MMP28: variants seen among roughly 807,000 people sequenced by gnomAD.
MMP28 encodes the protein matrix metallopeptidase 28, also known as matrix metalloproteinase-28.
Under a neutral mutation model 60.5 loss-of-function variants are expected in MMP28, and 55 were observed. The ratio of observed to expected loss-of-function variants is 0.91; its 90% CI spans 0.73 to 1.14. MMP28 has a LOEUF of 1.14. Ranked by LOEUF, MMP28 falls within the 50% of genes most tolerant of loss-of-function variation. The probability of loss-of-function intolerance (pLI) is 0.00; values close to 1 mark genes in which losing one functional copy is unlikely to be tolerated. For missense variants in MMP28, 686 were observed against 738.3 expected, an observed-to-expected ratio of 0.93 and a Z score of 0.82; for synonymous variants, 318 against 312.5, an observed-to-expected ratio of 1.02 and a Z score of -0.18.
intron 1 of MMP28, among the ~76,000 whole-genome samples, chr17:35,787,221 G>C (rs1555610694): frequency 6.6e-6 from 1 of 152,146 alleles, no homozygotes; most frequent in African/African-American, 2.4e-5. Context: ...AATAGGGGCT[G>C]GGATCCTGTT....
At chr17:35,764,489 G>A, downstream of MMP28, 1 of 1,577,846 alleles carries the variant, frequency 6.3e-7, no homozygotes, top group Non-Finnish European at 8.6e-7. Context: ...CGCGCCGCGG[G>A]GGCTGTGCTT....
chr17:35,768,459 G>T, intron 5 of MMP28, 80 bp from the exon 6 acceptor site: 2 of 1,190,652 alleles, frequency 1.7e-6, no homozygotes, highest in Non-Finnish European at 2.3e-6. Flanking sequence ...CCTTCCCTTG[G>T]TTACTTTCAT....
chr17:35,759,127 C>G (rs149702667), intron 2 of MMP28, among the ~76,000 whole-genome samples: 1 of 152,224 alleles, frequency 6.6e-6, no homozygotes, highest in African/African-American at 2.4e-5. Flanking sequence ...TGATTCCTAT[C>G]CAGTTCTCAA....
downstream of MMP28, chr17:35,764,893 C>T (rs907595281): frequency 3.6e-6 from 1 of 275,984 alleles, no homozygotes; most frequent in Admixed American, 5.7e-5. Flanking sequence ...GCAGCACCAG[C>T]GCCACCGCAC....
At chr17:35,764,086 G>T (rs782414267), downstream of MMP28, 1 of 1,550,326 alleles carries the variant, frequency 6.5e-7, no homozygotes. Flanking sequence ...GGAAGGAGGG[G>T]TCGGAGGACG....
At chr17:35,769,541 C>A (rs769545879) in intron 5 of MMP28, among the ~76,000 whole-genome samples, 14 of 152,192 alleles carry the variant, frequency 9.2e-5, no homozygotes, top group Non-Finnish European at 1.6e-4. Context: ...GGCAGTAGCA[C>A]TGGCCCACCC....
downstream of MMP28, chr17:35,764,477 G>T: frequency 6.4e-7 from 1 of 1,567,346 alleles, no homozygotes; most frequent in Non-Finnish European, 8.6e-7. Flanking sequence ...GGCGACGACC[G>T]CCGCGCCGCG....
At position 35,773,371 on chromosome 17, in the gene MMP28, C is replaced by A. The variant is rs1013683814; in HGVS notation, c.413G>T (p.Arg138Leu). 2.5e-6 allele frequency: 4 copies of A among 1,609,006 alleles called. No individual in the cohort carries two copies. The highest frequency in any genetic ancestry group is 1.7e-4 in the Middle Eastern group (1 of 6,056). The change falls in exon 4 of 8, where the codon CGC (arginine) becomes CTC (leucine). Residue 138 changes from arginine to leucine, a missense_variant. By Grantham distance (102) the Arg-to-Leu change is moderately radical. Coordinates refer to ENST00000605424, the MANE Select transcript of MMP28 (RefSeq NM_024302.5). ...CAGATGCTCAGGCCAGTTCACCAGGCGGTAGGAGAGGTGCTGCTTGTACCA... is the reference window on the plus strand; with the variant it reads ...CAGATGCTCAGGCCAGTTCACCAGGAGGTAGGAGAGGTGCTGCTTGTACCA... ...NKWYKQHLSYRLVNWPEHLPE... is the reference protein window; with the variant it reads ...NKWYKQHLSYLLVNWPEHLPE...
At chr17:35,775,672 T>C (rs1189799038) in intron 3 of MMP28, among the ~76,000 whole-genome samples, 1 of 152,206 alleles carries the variant, frequency 6.6e-6, no homozygotes, top group African/African-American at 2.4e-5. Flanking sequence ...TTTCCCATGG[T>C]AAGATGTGAG....
Position 35,766,466 on chromosome 17 carries a change from G to A in MMP28, c.*34C>T. On this transcript the variant is annotated 3_prime_UTR_variant, in exon 8 of 8. Coordinates refer to ENST00000605424, the MANE Select transcript of MMP28 (RefSeq NM_024302.5). The surrounding 1 kb of genome is among the most constrained non-coding windows in gnomAD (Gnocchi z 4.3). ...GGTGGGGAACATGATTTTGCCCTGA[G>A]AGCACCACCAGTTTCTGAGGTGAGG... The A allele has an allele frequency of 1.3e-6, 2 of 1,539,002 alleles. No individual in the cohort carries two copies. The highest frequency in any genetic ancestry group is 1.8e-6 in the Non-Finnish European group (2 of 1,142,548).
At position 35,766,186 on chromosome 17, in the gene MMP28, A is replaced by G; in HGVS notation, c.*314T>C. The G allele has an allele frequency of 8.8e-7, 1 of 1,133,550 alleles. No individual in the cohort carries two copies. Among genetic ancestry groups the G allele is most frequent in the Non-Finnish European group, 1.1e-6 (1 of 923,896 alleles). The allele number at this position is 1,133,550 out of a possible 1,614,324, so 70.2% of individuals were successfully genotyped here. On this transcript the variant is annotated 3_prime_UTR_variant, in exon 8 of 8. Transcript: ENST00000605424. This position sits in a 1 kb window ranked among gnomAD's most constrained non-coding sequence, Gnocchi z 4.3. ...GATCCCAGTGCTGTTACCTCTTGAA[A>G]GGAACTGTACCTTTAGCCGAAGAAA...
In MMP28 at chr17:35,770,315, G is replaced by A; in HGVS notation, c.605-3C>T. The A allele has an allele frequency of 6.7e-7, 1 of 1,500,676 alleles. No individual in the cohort carries two copies. The highest frequency in any genetic ancestry group is 8.8e-7 in the Non-Finnish European group (1 of 1,133,530). The allele number at this position is 1,500,676 out of a possible 1,614,324, so 93.0% of individuals were successfully genotyped here. On this transcript the variant is annotated splice_polypyrimidine_tract_variant and splice_region_variant and intron_variant, in intron 4 of 7. Transcript: ENST00000605424. ...GAAGGCGTGCGCCAGGGCGCCCCCT[G>A]CAGGTGGGGCAGAAGGTCAGGGGGT...
At chr17:35,795,008 C>T (rs1489016104) in intron 1 of MMP28, among the ~76,000 whole-genome samples, 2 of 152,218 alleles carry the variant, frequency 1.3e-5, no homozygotes, top group Admixed American at 1.3e-4. Context: ...GATGTCCCCT[C>T]TGGGCTCTTG....
chr17:35,764,599 G>A (rs782765582), downstream of MMP28: 3 of 1,586,558 alleles, frequency 1.9e-6, no homozygotes, highest in African/African-American at 2.8e-5. Context: ...GGTAAGGCGG[G>A]GGCCGCTGGG....
intron 3 of MMP28, 30 bp from the exon 4 acceptor site, chr17:35,773,434 A>T (rs1331495846): frequency 8.4e-6 from 13 of 1,546,320 alleles, no homozygotes; most frequent in Non-Finnish European, 1.1e-5. Context: ...CGTCAGTCAC[A>T]CCTGCTGCAG....
rs546091160 is a variant in MMP28, at chr17:35,767,110, C to T, written c.1169-216G>A. 9.9e-5 allele frequency: 70 copies of T among 706,722 alleles called. No homozygotes were observed. The South Asian group carries it at 1.0e-3, about 10-fold the overall frequency. The allele number at this position is 706,722 out of a possible 1,614,324, so 43.8% of individuals were successfully genotyped here. On this transcript the variant is annotated intron_variant, in intron 7 of 7. Coordinates refer to ENST00000605424, the MANE Select transcript of MMP28 (RefSeq NM_024302.5). ...TATTGTCTAGACTCCCAGCAGGTGTCAGCAGAGGGCAGATAGCCCCGAAAG... is the reference window on the plus strand; with the variant it reads ...TATTGTCTAGACTCCCAGCAGGTGTTAGCAGAGGGCAGATAGCCCCGAAAG...
chr17:35,766,037 G>T lies in MMP28; in HGVS notation c.*463C>A. ...TCATCCCCATCCATGCTTCCTGGGG[G>T]TGGGGCCTCTGACTAAATATGACAC... On this transcript the variant is annotated 3_prime_UTR_variant, in exon 8 of 8. Coordinates refer to ENST00000605424, the MANE Select transcript of MMP28 (RefSeq NM_024302.5). This position sits in a 1 kb window ranked among gnomAD's most constrained non-coding sequence, Gnocchi z 4.3. The T allele has an allele frequency of 1.0e-6, 1 of 985,436 alleles. No individual in the cohort carries two copies. The highest frequency in any genetic ancestry group is 1.2e-6 in the Non-Finnish European group (1 of 829,940). The allele number at this position is 985,436 out of a possible 1,614,324, so 61.0% of individuals were successfully genotyped here.
At chr17:35,789,719 TAA>T (rs1439148936) in intron 1 of MMP28, among the ~76,000 whole-genome samples, 1 of 152,130 alleles carries the variant, frequency 6.6e-6, no homozygotes, top group Non-Finnish European at 1.5e-5. Context: ...TTACTGATTT[TAA>T]AATTAGTTCT....
At chr17:35,759,552 T>A (rs1485309936) in intron 2 of MMP28, among the ~76,000 whole-genome samples, 1 of 151,952 alleles carries the variant, frequency 6.6e-6, no homozygotes, top group Non-Finnish European at 1.5e-5. Flanking sequence ...ATACAAAAAA[T>A]TAGCCAGGTG....
Sources: gnomAD v4.1 joint callset for allele counts (sites outside exome capture counted in the v4.1 genomes callset) on GRCh38, gnomAD v4.1.1 for gene constraint, Gnocchi (gnomAD v3.1) non-coding constraint, MANE v1.5 for transcripts, NCBI Gene and HGNC (gene_info 2026-07-23, HGNC 2026-07-21) for gene names.